The following TNFAIP2 variants were observed in gnomAD, a reference collection of about 807,000 sequenced individuals.
TNFAIP2 encodes TNF alpha induced protein 2, also known as tumor necrosis factor alpha-induced protein 2.
In TNFAIP2, 47 loss-of-function variants were observed where a neutral mutation model predicts 63.5. That is an observed-to-expected ratio of 0.74 (90% confidence interval 0.59 to 0.94). The LOEUF is 0.94. Among genes scored for constraint, TNFAIP2 ranks in the 40% least tolerant of loss-of-function variants. The pLI, the probability that TNFAIP2 is intolerant of heterozygous loss-of-function variation, is 0.00. For missense variants in TNFAIP2, 787 were observed against 850.2 expected, an observed-to-expected ratio of 0.93 and a Z score of 0.92; for synonymous variants, 405 against 390.2, an observed-to-expected ratio of 1.04 and a Z score of -0.45.
At chr14:103,133,341 C>T in intron 9 of TNFAIP2, 21 bp from the exon 10 acceptor site, 2 of 1,610,604 alleles carry the variant, frequency 1.2e-6, no homozygotes, top group Non-Finnish European at 1.7e-6. Flanking sequence ...CTCACACGCC[C>T]CTGGCTGCTT....
At position 103,126,550 on chromosome 14, in the gene TNFAIP2, G is replaced by T; in HGVS notation, c.93G>T (p.Lys31Asn). ...AGGAAGAGGCGGCGAAGAAGAAGAAGGAGAAGAAGAAGAAGTCCAAAGGCC... is the reference window on the plus strand; with the variant it reads ...AGGAAGAGGCGGCGAAGAAGAAGAATGAGAAGAAGAAGAAGTCCAAAGGCC... ...REEEEAAKKK[K>N]EKKKKSKGLA... The change falls in exon 2 of 12, where the codon AAG becomes AAT. Residue 31 changes from lysine (K) to asparagine (N), a missense_variant. Transcript: ENST00000560869. 1 of 1,565,364 alleles carries T rather than the reference G, an allele frequency of 6.4e-7. No individual in the cohort carries two copies. The highest frequency in any genetic ancestry group is 8.7e-7 in the Non-Finnish European group (1 of 1,155,238).
chr14:103,130,104 C>G lies in TNFAIP2; in HGVS notation c.1078C>G (p.Leu360Val). Residue 360 changes from leucine (L) to valine (V), a missense_variant, in exon 5 of 12, where the codon CTG (leucine) becomes GTG (valine). By Grantham distance (32) the Leu-to-Val change is conservative (BLOSUM62 1). Coordinates refer to ENST00000560869, the MANE Select transcript of TNFAIP2 (RefSeq NM_006291.4). ...GCTGGACGGCCACTGCCACAGCGAG[C>G]TGGCCATCGACATCATCCAGGTACT... ...QRLDGHCHSE[L>V]AIDIIQITSQ... 1 of 1,613,260 alleles carries G rather than the reference C, an allele frequency of 6.2e-7. No homozygotes were observed. Among genetic ancestry groups the G allele is most frequent in the Non-Finnish European group, 8.5e-7 (1 of 1,179,764 alleles).
At chr14:103,128,485 G>C (rs900203059) in intron 3 of TNFAIP2, among the ~76,000 whole-genome samples, 5 of 152,166 alleles carry the variant, frequency 3.3e-5, no homozygotes, top group African/African-American at 7.2e-5. Context: ...GGCCCAGGGC[G>C]GGGGAGTCCA....
At position 103,131,827 on chromosome 14, in the gene TNFAIP2, T is replaced by A. The variant is rs1280853389; in HGVS notation, c.1422+65T>A. Reference sequence around the variant, plus strand: ...GGGTTCCCAGGGAGGGACTGGGAGGTGCCCCCAGGGAGGAGTGGCAGAAGC... The same window carrying A: ...GGGTTCCCAGGGAGGGACTGGGAGGAGCCCCCAGGGAGGAGTGGCAGAAGC... On this transcript the variant is annotated intron_variant, in intron 8 of 11. Transcript: ENST00000560869. The surrounding 1 kb of genome is among the most constrained non-coding windows in gnomAD (Gnocchi z 4.0). 2 of 1,565,724 alleles carry A rather than the reference T, an allele frequency of 1.3e-6. No individual in the cohort carries two copies. Among genetic ancestry groups the A allele is most frequent in the African/African-American group, 1.4e-5 (1 of 73,744 alleles).
In TNFAIP2 at chr14:103,127,681, G is replaced by GGAGGGGTGTT. The variant is rs112383314; in HGVS notation, c.860+61_860+62insTGAGGGGTGT. ...GCCGGCAGGGAGGGTGTCCTCTGTA[G>GGAGGGGTGTT]GAGGGGTGTCGAGGGGTGTCGAGGT... On this transcript the variant is annotated intron_variant, in intron 3 of 11. Coordinates refer to ENST00000560869, the MANE Select transcript of TNFAIP2 (RefSeq NM_006291.4). The surrounding 1 kb of genome is among the most constrained non-coding windows in gnomAD (Gnocchi z 5.1). 7.0e-3 allele frequency: 9,927 copies of GGAGGGGTGTT among 1,423,730 alleles called. 653 individuals carry two copies. The African/African-American group carries it at 0.13, about 18-fold the overall frequency. The allele number at this position is 1,423,730 out of a possible 1,614,324, so 88.2% of individuals were successfully genotyped here.
At chr14:103,134,977 T>G (rs1353163785) in intron 11 of TNFAIP2, among the ~76,000 whole-genome samples, 3 of 152,102 alleles carry the variant, frequency 2.0e-5, no homozygotes, top group Admixed American at 6.6e-5. Flanking sequence ...GAAGAGGCGG[T>G]CATCTCAGGG....
chr14:103,130,227 C>T, intron 5 of TNFAIP2, 88 bp from the exon 6 acceptor site: 2 of 1,529,784 alleles, frequency 1.3e-6, no homozygotes, highest in Non-Finnish European at 1.8e-6. Flanking sequence ...CCTCGGGGCA[C>T]CCCCTCTGTT....
chr14:103,132,570 T>C, intron 8 of TNFAIP2, 180 bp from the exon 9 acceptor site: 1 of 881,036 alleles, frequency 1.1e-6, no homozygotes, highest in Non-Finnish European at 1.8e-6. Context: ...CGGCTCCCAC[T>C]TCCTGTCTGT....
rs556266232 is a variant in TNFAIP2 at position 103,132,291 on chromosome 14, G to A, written c.1423-459G>A. Among the ~76,000 whole-genome samples, 4 of 152,288 alleles carry A rather than the reference G, an allele frequency of 2.6e-5. No homozygotes were observed. The South Asian group carries it at 6.2e-4, about 24-fold the overall frequency. On this transcript the variant is annotated intron_variant, in intron 8 of 11. Transcript: ENST00000560869. ...AAACAAGTAGTTCCTTTAGCAGGGTGTAAAGTGGGGGGTCTCTCAAAAGGA... is the reference window on the plus strand; with the variant it reads ...AAACAAGTAGTTCCTTTAGCAGGGTATAAAGTGGGGGGTCTCTCAAAAGGA...
At chr14:103,123,076 C>T (rs10136760), upstream of TNFAIP2, 1 of 261,904 alleles carries the variant, frequency 3.8e-6, no homozygotes, top group African/African-American at 2.3e-5. Context: ...CGGGCTCTCC[C>T]GCAGCTGGAG....
In TNFAIP2 at chr14:103,135,309, G is replaced by A; in HGVS notation, c.1914G>A (p.Met638Ile). ...KRIRSILDVS[M>I]GAQEPSRPLF... ...TCCGGAGCATCTTGGACGTCAGCATGGGGGCGCAGGAGCCCTCCCGGCCCC... is the reference window on the plus strand; with the variant it reads ...TCCGGAGCATCTTGGACGTCAGCATAGGGGCGCAGGAGCCCTCCCGGCCCC... The change falls in exon 12 of 12, where the codon ATG becomes ATA. Residue 638 changes from methionine (M) to isoleucine (I), a missense_variant. Transcript: ENST00000560869. The surrounding 1 kb of genome is among the most constrained non-coding windows in gnomAD (Gnocchi z 7.6). The A allele has an allele frequency of 6.2e-7, 1 of 1,613,838 alleles. No individual in the cohort carries two copies. The highest frequency in any genetic ancestry group is 8.5e-7 in the Non-Finnish European group (1 of 1,179,938).
chr14:103,129,041 G>A (rs1432975701), intron 3 of TNFAIP2, among the ~76,000 whole-genome samples: 1 of 152,228 alleles, frequency 6.6e-6, no homozygotes, highest in East Asian at 1.9e-4. Flanking sequence ...CAGACAAAGG[G>A]CCCTTAGGAA....
At position 103,131,201 on chromosome 14, in the gene TNFAIP2, G is replaced by T. The variant is rs776706674; in HGVS notation, c.1298+51G>T. 1.3e-6 allele frequency: 2 copies of T among 1,596,784 alleles called. No individual in the cohort carries two copies. The highest frequency in any genetic ancestry group is 2.7e-5 in the African/African-American group (2 of 74,596). ...GGAGTGGGAGTCACTCAGCGGGCAG[G>T]AGAGGGGAGCTGGAAGGTGGAGGGA... is the stretch of plus-strand genomic sequence containing the variant. On this transcript the variant is annotated intron_variant, in intron 7 of 11. Transcript: ENST00000560869. The surrounding 1 kb of genome is among the most constrained non-coding windows in gnomAD (Gnocchi z 4.0).
upstream of TNFAIP2, chr14:103,122,650 A>G (rs1891154983): frequency 2.2e-6 from 1 of 455,866 alleles, no homozygotes; most frequent in Admixed American, 2.3e-5. Context: ...CTGGAAACGG[A>G]GGCCTGCGCT....
At position 103,127,718 on chromosome 14, in the gene TNFAIP2, A is replaced by T; in HGVS notation, c.860+89A>T. On this transcript the variant is annotated intron_variant, in intron 3 of 11. Transcript: ENST00000560869. The surrounding 1 kb of genome is among the most constrained non-coding windows in gnomAD (Gnocchi z 5.1). ...AGGGGTGTCGAGGTGTGCCGCCGGC[A>T]GCTTTTAGTGAGGTCGGTGTTTGCA... 2 of 1,373,530 alleles carry T rather than the reference A, an allele frequency of 1.5e-6. No individual in the cohort carries two copies. Among genetic ancestry groups the T allele is most frequent in the Non-Finnish European group, 1.9e-6 (2 of 1,055,886 alleles). 85.1% of individuals were successfully genotyped at this position (1,373,530 alleles called of 1,614,324 possible).
rs750906831 is a variant in TNFAIP2, at chr14:103,133,793, C to G, written c.1813C>G (p.Pro605Ala). ...GGTGGCCACTTATGCCACCTGCTAC[C>G]CTGACTTCAGGTGAGAACCTGGGGC... ...IEVATYATCY[P>A]DFSKGHLSAI... The change falls in exon 11 of 12, where the codon CCT becomes GCT. Residue 605 changes from proline (P) to alanine (A), a missense_variant. By Grantham distance (27) the Pro-to-Ala change is conservative. Coordinates refer to ENST00000560869, the MANE Select transcript of TNFAIP2 (RefSeq NM_006291.4). 1.3e-6 allele frequency: 2 copies of G among 1,586,418 alleles called. No homozygotes were observed. Among genetic ancestry groups the G allele is most frequent in the Non-Finnish European group, 1.7e-6 (2 of 1,174,954 alleles).
At chr14:103,123,232 G>GC (rs2087781203), upstream of TNFAIP2, among the ~76,000 whole-genome samples, 1 of 152,144 alleles carries the variant, frequency 6.6e-6, no homozygotes, top group Non-Finnish European at 1.5e-5. Flanking sequence ...CGCGCGGCCA[G>GC]CCCCCCGCCC....
At chr14:103,130,610 C>T (rs531815012) in intron 6 of TNFAIP2, among the ~76,000 whole-genome samples, 195 bp downstream of exon 6, 2 of 152,308 alleles carry the variant, frequency 1.3e-5, no homozygotes, top group African/African-American at 2.4e-5. Context: ...CAGGATTCAA[C>T]GTGGGAGCCT....
At chr14:103,133,033 C>T (rs776689027) in intron 9 of TNFAIP2, among the ~76,000 whole-genome samples, 161 bp downstream of exon 9, 17 of 152,300 alleles carry the variant, frequency 1.1e-4, no homozygotes, top group African/African-American at 3.8e-4. Flanking sequence ...TGTGAACACA[C>T]GTGAAGGCAC....
Sources: allele counts gnomAD v4.1 joint callset (sites outside exome capture counted in the v4.1 genomes callset), GRCh38; gene constraint gnomAD v4.1.1; non-coding constraint Gnocchi (gnomAD v3.1); transcripts MANE v1.5; gene names NCBI Gene and HGNC (gene_info 2026-07-23, HGNC 2026-07-21).